Variants in CACNA2D3 observed in about 807,000 individuals in gnomAD.
CACNA2D3 encodes the protein voltage-dependent calcium channel subunit alpha-2/delta-3.
Under a neutral mutation model 160.6 loss-of-function variants are expected in CACNA2D3, and 60 were observed. The ratio of observed to expected loss-of-function variants is 0.37; its 90% CI spans 0.30 to 0.46. The LOEUF (loss-of-function observed/expected upper bound fraction) is 0.46. Among genes scored for constraint, CACNA2D3 ranks in the 20% least tolerant of loss-of-function variants. The pLI is 1.00. For missense variants in CACNA2D3, 1,205 were observed against 1,365.0 expected (o/e 0.88, Z 1.85); for synonymous variants, 558 against 492.9 (o/e 1.13, Z -1.75).
chr3:54,775,735 T>C (rs977897730), intron 13 of CACNA2D3, among the ~76,000 whole-genome samples: 3 of 152,190 alleles, frequency 2.0e-5, no homozygotes, highest in Non-Finnish European at 2.9e-5. Context: ...TCATCACTTC[T>C]GATGATCAAA....
At chr3:54,814,978 T>C (rs1325083816) in intron 13 of CACNA2D3, among the ~76,000 whole-genome samples, 1 of 152,242 alleles carries the variant, frequency 6.6e-6, no homozygotes, top group African/African-American at 2.4e-5. Flanking sequence ...ACAAACACTT[T>C]CCTAAGAAAA....
intron 27 of CACNA2D3, among the ~76,000 whole-genome samples, chr3:54,900,809 A>G (rs1188723630): frequency 5.3e-5 from 8 of 152,198 alleles, no homozygotes; most frequent in Non-Finnish European, 1.2e-4. Context: ...ACCTGTTTGA[A>G]GTGGTTGTTC....
At chr3:54,534,132 C>T (rs9874147) in intron 5 of CACNA2D3, among the ~76,000 whole-genome samples, 93,712 of 151,920 alleles carry the variant, frequency 0.62, 29,115 homozygotes, top group Non-Finnish European at 0.64. Flanking sequence ...CGTCTTCTCT[C>T]GCCTGGCTGG....
In CACNA2D3 at chr3:54,569,868, C is replaced by T. The variant is rs2106719341; in HGVS notation, c.737+13C>T. 2 of 1,610,272 alleles carry T rather than the reference C, an allele frequency of 1.2e-6. No individual in the cohort carries two copies. Among genetic ancestry groups the T allele is most frequent in the Non-Finnish European group, 1.7e-6 (2 of 1,177,742 alleles). The stretch of plus-strand genomic sequence containing the variant: ...GGAACCGAAAATGGTAGGCAGTGGT[C>T]AGACCTCTTTGTTATTTCTCAAAGA... On this transcript the variant is annotated intron_variant, in intron 7 of 37. Coordinates refer to ENST00000474759, the MANE Select transcript of CACNA2D3 (RefSeq NM_018398.3).
At chr3:54,681,471 G>A (rs958855801) in intron 11 of CACNA2D3, among the ~76,000 whole-genome samples, 13 of 141,256 alleles carry the variant, frequency 9.2e-5, no homozygotes, top group African/African-American at 2.7e-4. Flanking sequence ...CAAGAAAATC[G>A]CTCAAACCCA....
At chr3:54,918,241 A>C (rs2106921533) in intron 27 of CACNA2D3, 1 of 524,758 alleles carries the variant, frequency 1.9e-6, no homozygotes, top group East Asian at 3.2e-5. Context: ...CCAGAGCACA[A>C]GTATCATCTT....
intron 29 of CACNA2D3, among the ~76,000 whole-genome samples, chr3:54,975,335 A>G (rs151123854): frequency 6.6e-6 from 1 of 152,162 alleles, no homozygotes; most frequent in Non-Finnish European, 1.5e-5. Context: ...CCTGGCCAAC[A>G]TGGTGAAATC....
At chr3:54,674,864 A>G (rs1260071186) in intron 11 of CACNA2D3, among the ~76,000 whole-genome samples, 1 of 152,184 alleles carries the variant, frequency 6.6e-6, no homozygotes, top group African/African-American at 2.4e-5. Flanking sequence ...TAACCATGGG[A>G]GTAGGCAGTA....
In CACNA2D3 at chr3:54,209,904, T is replaced by C. The variant is rs80254905; in HGVS notation, c.204+86310T>C. On this transcript the variant is annotated intron_variant, in intron 2 of 37. Transcript: ENST00000474759. The stretch of plus-strand genomic sequence containing the variant: ...TTAGAAATCGGAATCCCTTTAGAGA[T>C]GAATGTTGCATGTGTATCTCTTTTA... 6.7e-3 allele frequency among the ~76,000 whole-genome samples: 1,013 copies of C among 152,322 alleles called. 31 individuals are homozygous for C. The East Asian group carries it at 0.11, about 17-fold the overall frequency.
chr3:54,682,635 G>A (rs138864472), intron 11 of CACNA2D3, among the ~76,000 whole-genome samples: 1 of 151,712 alleles, frequency 6.6e-6, no homozygotes, highest in African/African-American at 2.4e-5. Flanking sequence ...AAATTAATAA[G>A]GAATAGAATT....
At chr3:54,621,408 C>T (rs1353758095) in intron 9 of CACNA2D3, among the ~76,000 whole-genome samples, 1 of 152,174 alleles carries the variant, frequency 6.6e-6, no homozygotes. Context: ...GGAGTGGTGG[C>T]GCCAGCGTGG....
At chr3:54,533,835 G>A (rs890702172) in intron 5 of CACNA2D3, among the ~76,000 whole-genome samples, 1 of 150,830 alleles carries the variant, frequency 6.6e-6, no homozygotes, top group African/African-American at 2.4e-5. Context: ...GTGTTAATAG[G>A]GTGTGTAAAT....
intron 4 of CACNA2D3, among the ~76,000 whole-genome samples, chr3:54,436,059 GA>G (rs1225747803): frequency 5.3e-5 from 8 of 152,290 alleles, no homozygotes; most frequent in Admixed American, 2.6e-4. Flanking sequence ...TTGAAAAACA[GA>G]GAGACCTAAA....
chr3:54,780,913 A>G (rs1323967921), intron 13 of CACNA2D3, among the ~76,000 whole-genome samples: 2 of 152,222 alleles, frequency 1.3e-5, no homozygotes, highest in Non-Finnish European at 2.9e-5. Context: ...TAAAAGCATG[A>G]AATTCTCAAG....
At chr3:54,351,202 G>T (rs368028236) in intron 3 of CACNA2D3, among the ~76,000 whole-genome samples, 48 of 151,658 alleles carry the variant, frequency 3.2e-4, no homozygotes, top group African/African-American at 1.1e-3. Context: ...GGCTGGTCTC[G>T]AACTCCTGAC....
At chr3:54,647,357 C>G (rs1699671185) in intron 11 of CACNA2D3, among the ~76,000 whole-genome samples, 1 of 152,198 alleles carries the variant, frequency 6.6e-6, no homozygotes, top group South Asian at 2.1e-4. Context: ...TATAAAGCAT[C>G]CGCAAGCCTA....
chr3:54,680,607 T>G (rs1203165772), intron 11 of CACNA2D3, among the ~76,000 whole-genome samples: 1 of 152,222 alleles, frequency 6.6e-6, no homozygotes, highest in Non-Finnish European at 1.5e-5. Context: ...CATTTGTGAA[T>G]GTAGCAGGAG....
chr3:54,501,567 C>T (rs554431694), intron 4 of CACNA2D3, among the ~76,000 whole-genome samples: 8 of 151,606 alleles, frequency 5.3e-5, no homozygotes, highest in African/African-American at 1.2e-4. Flanking sequence ...CTGCTGCAAC[C>T]GACTAATTTG....
In CACNA2D3 at chr3:54,891,337, T is replaced by C. The variant is rs1033260154; in HGVS notation, c.2151-18T>C. On this transcript the variant is annotated intron_variant, in intron 24 of 37. Transcript: ENST00000474759. ...ACTGTCTAGAGGCCTCCCCCTGACG[T>C]CTGTTGTTCTGTTTCAGAAATTCTG... 7 of 1,594,546 alleles carry C rather than the reference T, an allele frequency of 4.4e-6. No homozygotes were observed. The highest frequency in any genetic ancestry group is 5.2e-6 in the Non-Finnish European group (6 of 1,162,366).
Sources: allele counts gnomAD v4.1 joint callset (sites outside exome capture counted in the v4.1 genomes callset), GRCh38; gene constraint gnomAD v4.1.1; transcripts MANE v1.5; gene names NCBI Gene and HGNC (gene_info 2026-07-23, HGNC 2026-07-21).